Variants in PPDPFL observed in about 807,000 individuals in gnomAD.
PPDPFL encodes the protein pancreatic progenitor cell differentiation and proliferation factor like.
Under a neutral mutation model 12.6 loss-of-function variants are expected in PPDPFL, and 12 were observed. The ratio of observed to expected loss-of-function variants is 0.95; its 90% CI spans 0.61 to 1.54. PPDPFL has a LOEUF of 1.54. Ranked by LOEUF, PPDPFL falls within the 40% of genes most tolerant of loss-of-function variation. PPDPFL has a pLI of 0.00. For synonymous variants in PPDPFL, 24 were observed against 32.7 expected (o/e 0.73, Z 0.91); for missense variants, 114 against 96.0 (o/e 1.19, Z -0.78).
In PPDPFL at chr8:49,061,000, C is replaced by A. The variant is rs189545670; in HGVS notation, c.-45+6631C>A. ...CCTACATAGTCCTCATGGAGCCCAG[C>A]GAGAGGCAGAAACTCTCCTAGCAGT... On this transcript the variant is annotated intron_variant, in intron 1 of 4. Transcript: ENST00000517663. Among the ~76,000 whole-genome samples, 269 of 152,144 alleles carry A rather than the reference C, an allele frequency of 1.8e-3. 2 individuals carry two copies. The highest frequency in any genetic ancestry group is 3.3e-3 in the Non-Finnish European group (226 of 67,986).
rs188845731 is a variant in PPDPFL, at chr8:49,062,766, C to T, written c.-45+8397C>T. On this transcript the variant is annotated intron_variant, in intron 1 of 4. Coordinates refer to the PPDPFL transcript ENST00000517663. ...AGACATGGTGTTCCCAGGGCCAAGA[C>T]GGACCAGTGGTCTCAAGAGCATTGC... Among the ~76,000 whole-genome samples, 516 of 152,276 alleles carry T rather than the reference C, an allele frequency of 3.4e-3. 2 individuals carry two copies. The highest frequency in any genetic ancestry group is 0.012 in the African/African-American group (481 of 41,562).
chr8:49,073,277 C>A (rs1289336874), intron 2 of PPDPFL, among the ~76,000 whole-genome samples: 1 of 152,180 alleles, frequency 6.6e-6, no homozygotes, highest in South Asian at 2.1e-4. Context: ...TTTCCATCTT[C>A]TGCTATGGAT....
intron 1 of PPDPFL, among the ~76,000 whole-genome samples, chr8:49,062,488 T>A (rs1315237434): frequency 6.6e-6 from 1 of 152,172 alleles, no homozygotes; most frequent in Non-Finnish European, 1.5e-5. Flanking sequence ...ACTGTTTTCC[T>A]AAAATGAAAA....
In PPDPFL at chr8:49,066,108, C is replaced by T. The variant is rs144700147; in HGVS notation, c.-44-6679C>T. 3.6e-3 allele frequency among the ~76,000 whole-genome samples: 543 copies of T among 152,332 alleles called. 4 individuals carry two copies. The highest frequency in any genetic ancestry group is 0.013 in the African/African-American group (524 of 41,566). The stretch of plus-strand genomic sequence containing the variant: ...AGGAGATGATCTTGAAGATAAACAA[C>T]GCATTTCTCACAGTTCACTGGCCCC... On this transcript the variant is annotated intron_variant, in intron 1 of 4. Transcript: ENST00000517663.
At chr8:49,055,003 G>A (rs1808090721) in intron 1 of PPDPFL, among the ~76,000 whole-genome samples, 1 of 152,118 alleles carries the variant, frequency 6.6e-6, no homozygotes, top group African/African-American at 2.4e-5. Context: ...TCGCTGTTGA[G>A]CTCCATGATG....
chr8:49,055,391 T>C (rs942149696), intron 1 of PPDPFL, among the ~76,000 whole-genome samples: 1 of 152,272 alleles, frequency 6.6e-6, no homozygotes, highest in African/African-American at 2.4e-5. Context: ...TTTCTGCTAC[T>C]GCACTACCTG....
chr8:49,073,571 C>G (rs1244331768), intron 2 of PPDPFL, among the ~76,000 whole-genome samples: 1 of 152,156 alleles, frequency 6.6e-6, no homozygotes, highest in East Asian at 1.9e-4. Context: ...TATTTATCCA[C>G]AGGAGTTACT....
chr8:49,059,478 C>T (rs1359587912), intron 1 of PPDPFL, among the ~76,000 whole-genome samples: 2 of 152,108 alleles, frequency 1.3e-5, no homozygotes, highest in Admixed American at 6.5e-5. Context: ...CCTTTCAGTT[C>T]AGTGTTATAG....
At chr8:49,072,013 G>A (rs866239484), upstream of PPDPFL, among the ~76,000 whole-genome samples, 21 of 152,352 alleles carry the variant, frequency 1.4e-4, 1 homozygote, top group East Asian at 2.9e-3. Context: ...CACGTGCCCA[G>A]CGTGGTGCTG....
intron 1 of PPDPFL, among the ~76,000 whole-genome samples, chr8:49,059,302 C>T: frequency 6.6e-6 from 1 of 152,098 alleles, no homozygotes; most frequent in East Asian, 1.9e-4. Flanking sequence ...TACTTAAGGC[C>T]TTAAATTAAA....
At chr8:49,066,643 G>T (rs1051913097) in intron 1 of PPDPFL, among the ~76,000 whole-genome samples, 13 of 152,150 alleles carry the variant, frequency 8.5e-5, no homozygotes, top group African/African-American at 3.1e-4. Flanking sequence ...ATTTTCTGGA[G>T]AACATACTGT....
intron 2 of PPDPFL, among the ~76,000 whole-genome samples, chr8:49,073,438 T>TA: frequency 6.6e-6 from 1 of 152,332 alleles, no homozygotes; most frequent in South Asian, 2.1e-4. Context: ...TAGTAGTTAT[T>TA]ACAAGTATCT....
intron 4 of PPDPFL, chr8:49,074,910 A>G (rs534222249): frequency 1.5e-4 from 202 of 1,384,054 alleles, no homozygotes; most frequent in Admixed American, 4.1e-4. Flanking sequence ...TCTATAATAA[A>G]GGGATTCATA....
At chr8:49,073,954 A>C (rs1808440307) in intron 2 of PPDPFL, 105 bp from the exon 3 acceptor site, 1 of 732,974 alleles carries the variant, frequency 1.4e-6, no homozygotes, top group African/African-American at 1.8e-5. Flanking sequence ...AGCCAGGAAT[A>C]AATGATTTCA....
chr8:49,063,808 A>C (rs1410670027), intron 1 of PPDPFL, among the ~76,000 whole-genome samples: 1 of 152,186 alleles, frequency 6.6e-6, no homozygotes, highest in Non-Finnish European at 1.5e-5. Context: ...CCAGTAGATA[A>C]TGGTAGACTT....
At chr8:49,063,735 A>G (rs1271923612) in intron 1 of PPDPFL, among the ~76,000 whole-genome samples, 1 of 152,116 alleles carries the variant, frequency 6.6e-6, no homozygotes, top group African/African-American at 2.4e-5. Flanking sequence ...TATATATAAA[A>G]AATGCATGAG....
rs923392085 is a variant in PPDPFL, at chr8:49,075,851, T to C, written c.*678T>C. On this transcript the variant is annotated 3_prime_UTR_variant, in exon 5 of 5. Coordinates refer to ENST00000522267, the MANE Select transcript of PPDPFL (RefSeq NM_001256597.2). ...TTTAATAACATGGAAAATTATATTA[T>C]GGCATTAAAAATTAGCATAATACAC... The C allele has an allele frequency of 6.5e-6, 1 of 153,366 alleles. No homozygotes were observed. Among genetic ancestry groups the C allele is most frequent in the Non-Finnish European group, 1.5e-5 (1 of 68,876 alleles). The allele number at this position is 153,366 out of a possible 1,614,324, so 9.5% of individuals were successfully genotyped here. A position where few individuals can be genotyped will look rare whatever the true frequency, so the allele number is the denominator to read the frequency against.
At chr8:49,066,860 T>C (rs2129244894) in intron 1 of PPDPFL, among the ~76,000 whole-genome samples, 1 of 152,190 alleles carries the variant, frequency 6.6e-6, no homozygotes, top group African/African-American at 2.4e-5. Context: ...GGGAAGTGGT[T>C]TGGGTGCACC....
At chr8:49,062,647 C>T (rs1308722293) in intron 1 of PPDPFL, among the ~76,000 whole-genome samples, 4 of 152,128 alleles carry the variant, frequency 2.6e-5, no homozygotes, top group Admixed American at 2.0e-4. Context: ...CAGGCAGTGG[C>T]ACTTAATCAT....
Sources: allele counts gnomAD v4.1 joint callset (sites outside exome capture counted in the v4.1 genomes callset), GRCh38; gene constraint gnomAD v4.1.1; transcripts MANE v1.5; gene names NCBI Gene and HGNC (gene_info 2026-07-23, HGNC 2026-07-21).